FER: variants seen among roughly 807,000 people sequenced by gnomAD.
The protein encoded by FER is tyrosine-protein kinase Fer.
In FER, 63 loss-of-function variants were observed where a neutral mutation model predicts 111.0. The observed-to-expected ratio is 0.57, with a 90% confidence interval of 0.46 to 0.70. FER has a LOEUF of 0.70. FER is among the 30% of genes least tolerant of loss of function. The pLI, the probability that FER is intolerant of heterozygous loss-of-function variation, is 0.00. For synonymous variants in FER, 327 were observed against 313.9 expected (o/e 1.04, Z -0.44); for missense variants, 914 against 954.0 (o/e 0.96, Z 0.55).
intron 1 of FER, among the ~76,000 whole-genome samples, chr5:108,754,673 A>G (rs1160134214): frequency 6.6e-6 from 1 of 152,198 alleles, no homozygotes; most frequent in Non-Finnish European, 1.5e-5. Flanking sequence ...CTCAGTCTGT[A>G]TTGTGACTGG....
intron 16 of FER, among the ~76,000 whole-genome samples, chr5:109,058,572 G>T (rs547961160): frequency 6.6e-6 from 1 of 151,770 alleles, no homozygotes; most frequent in South Asian, 2.1e-4. Flanking sequence ...CTTATCTCCA[G>T]TGATGTCCTC....
chr5:108,805,846 A>G (rs758237531), intron 3 of FER, among the ~76,000 whole-genome samples: 1 of 152,252 alleles, frequency 6.6e-6, no homozygotes, highest in Non-Finnish European at 1.5e-5. Context: ...GAAGCAGAGC[A>G]TAAAAGTTTG....
At chr5:108,861,743 T>C (rs936171266) in intron 5 of FER, among the ~76,000 whole-genome samples, 1 of 152,198 alleles carries the variant, frequency 6.6e-6, no homozygotes, top group Non-Finnish European at 1.5e-5. Flanking sequence ...AATAGAATTG[T>C]ATTAGGTTAT....
At chr5:109,027,641 A>G (rs556366063) in intron 13 of FER, among the ~76,000 whole-genome samples, 38 of 152,278 alleles carry the variant, frequency 2.5e-4, no homozygotes, top group Non-Finnish European at 4.3e-4. Flanking sequence ...ACAACCATCC[A>G]AAGAGATTTG....
At chr5:109,044,906 C>CT in intron 15 of FER, 111 bp downstream of exon 15, 1 of 577,214 alleles carries the variant, frequency 1.7e-6, no homozygotes, top group East Asian at 3.3e-5. Context: ...GGGGTAAGCA[C>CT]TTTTACAGTA....
At chr5:108,993,132 G>A (rs900231549) in intron 13 of FER, among the ~76,000 whole-genome samples, 6 of 151,996 alleles carry the variant, frequency 3.9e-5, no homozygotes, top group South Asian at 2.1e-4. Flanking sequence ...CTTCCCAGAC[G>A]GGGTGGCGGC....
intron 13 of FER, among the ~76,000 whole-genome samples, chr5:108,963,712 T>C (rs753048546): frequency 6.6e-6 from 1 of 152,152 alleles, no homozygotes; most frequent in African/African-American, 2.4e-5. Context: ...AGAGTTAGAT[T>C]TGTGAGAGGA....
At chr5:108,872,669 C>T (rs1764711092) in intron 8 of FER, among the ~76,000 whole-genome samples, 1 of 152,052 alleles carries the variant, frequency 6.6e-6, no homozygotes, top group African/African-American at 2.4e-5. Flanking sequence ...GCTGTTAAAT[C>T]AGTTCCTTCT....
At chr5:108,816,412 T>G (rs1377613714) in intron 3 of FER, among the ~76,000 whole-genome samples, 1 of 152,244 alleles carries the variant, frequency 6.6e-6, no homozygotes, top group Non-Finnish European at 1.5e-5. Flanking sequence ...AATTCGCAAG[T>G]TGCAACCTTT....
chr5:108,835,289 C>T (rs1184156852), intron 4 of FER, among the ~76,000 whole-genome samples: 2 of 137,722 alleles, frequency 1.5e-5, no homozygotes, highest in African/African-American at 5.4e-5. Context: ...TCAAGCGATT[C>T]TTGTGCCTCA....
At chr5:108,932,764 C>CT (rs1269578241) in intron 10 of FER, among the ~76,000 whole-genome samples, 4 of 150,672 alleles carry the variant, frequency 2.7e-5, no homozygotes, top group Non-Finnish European at 5.9e-5. Context: ...TTGCATTTCT[C>CT]TAATGACCAG....
chr5:109,007,621 G>T (rs2149795082), intron 13 of FER, among the ~76,000 whole-genome samples: 1 of 152,232 alleles, frequency 6.6e-6, no homozygotes, highest in Admixed American at 6.5e-5. Flanking sequence ...TCCTTTTATT[G>T]TGAATAACAT....
rs1178475048 is a variant in FER at position 109,192,201 on chromosome 5, G to A, written c.*4626G>A. ...GCTTCAGTATATTTAATAAGGTGCT[G>A]AGGCAGCAGATTCAAATGCAAAAGA... On this transcript the variant is annotated 3_prime_UTR_variant, in exon 20 of 20. Transcript: ENST00000281092. The A allele has an allele frequency of 6.6e-6, 1 of 152,190 alleles. No homozygotes were observed. Among genetic ancestry groups the A allele is most frequent in the Non-Finnish European group, 1.5e-5 (1 of 68,034 alleles). The allele number at this position is 152,190 out of a possible 1,614,324, so 9.4% of individuals were successfully genotyped here. A position where few individuals can be genotyped will look rare whatever the true frequency, so the allele number is the denominator to read the frequency against.
intron 2 of FER, among the ~76,000 whole-genome samples, chr5:108,787,792 G>A (rs995366183): frequency 6.6e-6 from 1 of 152,184 alleles, no homozygotes; most frequent in Non-Finnish European, 1.5e-5. Flanking sequence ...TCCCTTCTGA[G>A]TTGGGCACAC....
At chr5:109,003,447 C>G (rs1765080119) in intron 13 of FER, among the ~76,000 whole-genome samples, 1 of 152,074 alleles carries the variant, frequency 6.6e-6, no homozygotes, top group Non-Finnish European at 1.5e-5. Context: ...AGGGGAACAT[C>G]ACACTCTGGG....
chr5:109,028,691 A>G (rs1769132677), intron 13 of FER, among the ~76,000 whole-genome samples: 1 of 152,220 alleles, frequency 6.6e-6, no homozygotes, highest in Non-Finnish European at 1.5e-5. Context: ...AGTTATATTC[A>G]AGGCTAGGAT....
intron 8 of FER, 29 bp from the exon 9 acceptor site, chr5:108,883,367 G>T: frequency 8.3e-6 from 13 of 1,557,770 alleles, no homozygotes; most frequent in Non-Finnish European, 1.1e-5. Context: ...TAATTTGTTG[G>T]TTGTTATTGA....
intron 10 of FER, among the ~76,000 whole-genome samples, chr5:108,909,912 A>G (rs1751313836): frequency 6.6e-6 from 1 of 151,754 alleles, no homozygotes; most frequent in Non-Finnish European, 1.5e-5. Flanking sequence ...CAGATGTATT[A>G]AATACTCAAA....
At chr5:108,950,980 A>G (rs1315238558) in intron 11 of FER, among the ~76,000 whole-genome samples, 2 of 151,952 alleles carry the variant, frequency 1.3e-5, no homozygotes, top group Non-Finnish European at 2.9e-5. Context: ...AAAAAAAATA[A>G]ATTTATAGGG....
Sources: gnomAD v4.1 joint callset for allele counts (sites outside exome capture counted in the v4.1 genomes callset) on GRCh38, gnomAD v4.1.1 for gene constraint, MANE v1.5 for transcripts, NCBI Gene and HGNC (gene_info 2026-07-23, HGNC 2026-07-21) for gene names.